Variants in ABCA1 observed in about 807,000 individuals in gnomAD.
The protein encoded by ABCA1 is phospholipid-transporting ATPase ABCA1.
ABCA1 carries 133 observed loss-of-function variants against 262.5 expected under a neutral mutation model. The observed-to-expected ratio is 0.51, with a 90% CI of 0.44 to 0.59. ABCA1 has a LOEUF of 0.59. ABCA1 is among the 20% of genes least tolerant of loss of function. The pLI is 0.00. For synonymous variants in ABCA1, 1,022 were observed against 1,043.5 expected (o/e 0.98, Z 0.40); for missense variants, 2,452 against 2,777.5 (o/e 0.88, Z 2.63).
chr9:104,919,598 C>T (rs970879180), intron 1 of ABCA1, among the ~76,000 whole-genome samples: 10 of 150,232 alleles, frequency 6.7e-5, no homozygotes, highest in African/African-American at 1.2e-4. Context: ...GGCAACATAA[C>T]GAGACTCCAT....
At chr9:104,890,816 T>G (rs1161195169) in intron 2 of ABCA1, among the ~76,000 whole-genome samples, 1 of 152,056 alleles carries the variant, frequency 6.6e-6, no homozygotes, top group African/African-American at 2.4e-5. Flanking sequence ...ATGGAAAATT[T>G]GAAAATAAAA....
At chr9:104,801,114 C>T (rs1564096274) in intron 34 of ABCA1, among the ~76,000 whole-genome samples, 1 of 3,834 alleles carries the variant, frequency 2.6e-4, no homozygotes, top group South Asian at 0.012. Flanking sequence ...AGCTTGCCAG[C>T]TTAAAAAAAA....
At chr9:104,880,965 A>G (rs1031104895) in intron 5 of ABCA1, among the ~76,000 whole-genome samples, 22 of 152,114 alleles carry the variant, frequency 1.4e-4, no homozygotes, top group Non-Finnish European at 1.5e-5. Context: ...CCTGGCCAAC[A>G]TGGTGAAATC....
In ABCA1 at chr9:104,819,922, C is replaced by T. The variant is rs749987710; in HGVS notation, c.3103+5G>A. On this transcript the variant is annotated splice_donor_5th_base_variant and intron_variant, in intron 21 of 49. Transcript: ENST00000374736. ...AGGGATAGGGAAGGTAGCTCTGGGC[C>T]GCACCTGACAGCTGGCTTGTTTTGC... The T allele has an allele frequency of 9.3e-6, 15 of 1,612,346 alleles. No individual in the cohort carries two copies. The Admixed American group carries it at 1.2e-4, about 13-fold the overall frequency.
chr9:104,802,020 A>G, intron 34 of ABCA1, 34 bp downstream of exon 34: 3 of 1,602,686 alleles, frequency 1.9e-6, no homozygotes, highest in Non-Finnish European at 2.6e-6. Context: ...CTACATGCCC[A>G]TTTTTCTGAT....
intron 3 of ABCA1, among the ~76,000 whole-genome samples, chr9:104,885,801 T>G (rs1433844683): frequency 1.3e-5 from 2 of 152,182 alleles, no homozygotes; most frequent in South Asian, 2.1e-4. Context: ...CCAGAGCTCC[T>G]GCTTCTATCA....
At position 104,806,450 on chromosome 9, in the gene ABCA1, A is replaced by C; in HGVS notation, c.4275-20T>G. The C allele has an allele frequency of 1.2e-6, 2 of 1,613,838 alleles. No homozygotes were observed. The highest frequency in any genetic ancestry group is 1.7e-6 in the Non-Finnish European group (2 of 1,179,854). ...GTGTCTCTGCAAAGGGAAGACAGCA[A>C]GAGTAGGATTACCAGAGATGGCCTG... On this transcript the variant is annotated intron_variant, in intron 30 of 49. Transcript: ENST00000374736.
intron 34 of ABCA1, among the ~76,000 whole-genome samples, chr9:104,801,322 T>C (rs2245793): frequency 0.91 from 138,859 of 151,938 alleles, 63,540 homozygotes; most frequent in East Asian, 1. Context: ...CGGGTTCAAG[T>C]AATTCTCTCA....
chr9:104,833,078 A>G (rs1833486293), intron 11 of ABCA1, among the ~76,000 whole-genome samples: 1 of 152,256 alleles, frequency 6.6e-6, no homozygotes, highest in Non-Finnish European at 1.5e-5. Context: ...TATTAACTAC[A>G]GTAACAACAA....
intron 24 of ABCA1, among the ~76,000 whole-genome samples, chr9:104,816,562 A>G (rs1191925539): frequency 6.9e-6 from 1 of 145,406 alleles, no homozygotes; most frequent in African/African-American, 2.5e-5. Flanking sequence ...AGCCAGGCAC[A>G]TTATAGGTAC....
chr9:104,832,849 T>A, intron 11 of ABCA1, 78 bp from the exon 12 acceptor site: 1 of 1,336,496 alleles, frequency 7.5e-7, no homozygotes, highest in Non-Finnish European at 1.1e-6. Context: ...ACAAAATACT[T>A]GCATATACAC....
At chr9:104,883,285 C>A in intron 4 of ABCA1, 128 bp from the exon 5 acceptor site, 1 of 799,046 alleles carries the variant, frequency 1.3e-6, no homozygotes, top group Non-Finnish European at 2.2e-6. Flanking sequence ...TGGCCCTAAC[C>A]CACTCCCATG....
chr9:104,876,957 T>A (rs1838217597), intron 5 of ABCA1, among the ~76,000 whole-genome samples: 1 of 152,206 alleles, frequency 6.6e-6, no homozygotes, highest in African/African-American at 2.4e-5. Context: ...ATAGTATTTT[T>A]AAAAAATCTT....
At chr9:104,839,698 TG>T (rs1302180067) in intron 9 of ABCA1, among the ~76,000 whole-genome samples, 1 of 152,256 alleles carries the variant, frequency 6.6e-6, no homozygotes, top group Non-Finnish European at 1.5e-5. Flanking sequence ...TACAATGTGA[TG>T]TTTTAATATA....
chr9:104,917,382 T>A (rs998533281), intron 1 of ABCA1, among the ~76,000 whole-genome samples: 1 of 152,200 alleles, frequency 6.6e-6, no homozygotes, highest in Non-Finnish European at 1.5e-5. Flanking sequence ...AAGCACAGTA[T>A]TAAACATTGA....
In ABCA1 at chr9:104,800,568, C is replaced by T. The variant is rs769951411; in HGVS notation, c.4715G>A (p.Arg1572Gln). 18 of 1,614,024 alleles carry T rather than the reference C, an allele frequency of 1.1e-5. No homozygotes were observed. The highest frequency in any genetic ancestry group is 7.7e-5 in the South Asian group (7 of 91,072). ...AAATCTTCCCAAGCTGTTGAGAAATCGATCTGCAGAACTGTCCTGTAAACA... is the reference window on the plus strand; with the variant it reads ...AAATCTTCCCAAGCTGTTGAGAAATTGATCTGCAGAACTGTCCTGTAAACA... ...LKLAKDSSAD[R>Q]FLNSLGRFMT... Residue 1572 changes from arginine (R) to glutamine (Q), a missense_variant, in exon 35 of 50, where the codon CGA becomes CAA. Arg to Gln is a conservative substitution (Grantham distance 43). This residue lies in a region of ABCA1 where 752 missense variants were observed against 944.5 expected (regional missense o/e 0.80). Transcript: ENST00000374736.
chr9:104,914,213 C>T (rs1318272718), intron 1 of ABCA1, among the ~76,000 whole-genome samples: 1 of 151,784 alleles, frequency 6.6e-6, no homozygotes. Context: ...CGCAGTGGCT[C>T]ATGCCTGTAA....
At chr9:104,786,501 A>C in intron 47 of ABCA1, 111 bp from the exon 48 acceptor site, 1 of 961,054 alleles carries the variant, frequency 1.0e-6, no homozygotes, top group East Asian at 2.4e-5. Flanking sequence ...TTCTGTTACA[A>C]GTACATGTGG....
chr9:104,803,364 C>T (rs1201178650), intron 32 of ABCA1, 48 bp from the exon 33 acceptor site: 7 of 1,576,900 alleles, frequency 4.4e-6, no homozygotes, highest in African/African-American at 2.7e-5. Context: ...AGCACTGAGC[C>T]TATTCCTAAT....
Sources: gnomAD v4.1 joint callset for allele counts (sites outside exome capture counted in the v4.1 genomes callset) on GRCh38, gnomAD v4.1.1 for gene constraint, gnomAD v4.1.1 regional missense constraint, MANE v1.5 for transcripts, NCBI Gene and HGNC (gene_info 2026-07-23, HGNC 2026-07-21) for gene names.